The following CDYL variants were observed in gnomAD, a reference collection of about 807,000 sequenced individuals.
CDYL encodes the protein chromodomain Y like, also known as chromodomain Y-like protein.
In CDYL, 8 loss-of-function variants were observed where a neutral mutation model predicts 47.3. The ratio of observed to expected loss-of-function variants is 0.17; its 90% confidence interval spans 0.10 to 0.31. The LOEUF (loss-of-function observed/expected upper bound fraction) is 0.31. Among genes scored for constraint, CDYL ranks in the 10% least tolerant of loss-of-function variants. The pLI is 1.00. For synonymous variants in CDYL, 266 were observed against 265.0 expected (o/e 1.00, Z -0.04); for missense variants, 471 against 701.4 (o/e 0.67, Z 3.71).
chr6:4,719,474 C>G lies in CDYL; in HGVS notation c.103+3593C>G, dbSNP rs570964327. ...GTGGTACCTCTTTCCCAGCTCTACACCTATCTTGACCCCCATTCCTGCAAG... is the reference window on the plus strand; with the variant it reads ...GTGGTACCTCTTTCCCAGCTCTACAGCTATCTTGACCCCCATTCCTGCAAG... On this transcript the variant is annotated intron_variant, in intron 2 of 8. Transcript: ENST00000328908. 3.3e-5 allele frequency among the ~76,000 whole-genome samples: 5 copies of G among 152,292 alleles called. No homozygotes were observed. In the East Asian group the frequency reaches 9.6e-4, roughly 29 times the overall value.
At chr6:4,897,483 G>A (rs1762316903) in intron 2 of CDYL, among the ~76,000 whole-genome samples, 1 of 152,214 alleles carries the variant, frequency 6.6e-6, no homozygotes, top group Non-Finnish European at 1.5e-5. Context: ...ATGAGTAGAT[G>A]ATCCATCTCC....
At chr6:4,920,661 C>G (rs2326554) in intron 2 of CDYL, among the ~76,000 whole-genome samples, 140,609 of 152,272 alleles carry the variant, frequency 0.92, 65,438 homozygotes, top group East Asian at 1. Flanking sequence ...CTCTGTCGCC[C>G]AGGCTGGAGT....
In CDYL at chr6:4,900,790, T is replaced by C. The variant is rs1316232543; in HGVS notation, c.691+8411T>C. Among the ~76,000 whole-genome samples the C allele has an allele frequency of 1.1e-4, 6 of 52,674 alleles. 1 individual carries two copies. The highest frequency in any genetic ancestry group is 4.6e-4 in the African/African-American group (6 of 12,906). The allele number at this position is 52,674 out of a possible 152,430, so 34.6% of individuals were successfully genotyped here. On this transcript the variant is annotated intron_variant, in intron 2 of 6. Coordinates refer to ENST00000397588, the MANE Select transcript of CDYL (RefSeq NM_004824.4). ...TTCCGTATACGTGTGTATATATATA[T>C]ATATATATATATATATATATATATA... is the stretch of plus-strand genomic sequence containing the variant.
chr6:4,900,434 A>G (rs143084572), intron 2 of CDYL, among the ~76,000 whole-genome samples: 4 of 152,028 alleles, frequency 2.6e-5, no homozygotes, highest in African/African-American at 9.7e-5. Context: ...TCTCCCCCAT[A>G]TATGTTTATA....
intron 1 of CDYL, among the ~76,000 whole-genome samples, chr6:4,794,203 A>G (rs1469293011): frequency 6.6e-6 from 1 of 152,118 alleles, no homozygotes; most frequent in African/African-American, 2.4e-5. Flanking sequence ...CGGGGAGATA[A>G]GAGACACAGT....
intron 3 of CDYL, among the ~76,000 whole-genome samples, chr6:4,765,873 AT>A (rs1758244700): frequency 6.6e-6 from 1 of 152,070 alleles, no homozygotes; most frequent in South Asian, 2.1e-4. Context: ...GAACAAAGTC[AT>A]CTTAAGAAAT....
chr6:4,720,965 A>AT (rs1360821892), intron 2 of CDYL, among the ~76,000 whole-genome samples: 3 of 152,082 alleles, frequency 2.0e-5, no homozygotes, highest in South Asian at 2.1e-4. Flanking sequence ...ATAAATAAAG[A>AT]TTTTTTCTCA....
intron 2 of CDYL, among the ~76,000 whole-genome samples, chr6:4,915,555 T>A (rs1757534073): frequency 6.6e-6 from 1 of 152,100 alleles, no homozygotes; most frequent in Non-Finnish European, 1.5e-5. Flanking sequence ...CTGACTAGCA[T>A]TAACATTAAA....
chr6:4,709,309 C>T (rs1213494402), intron 1 of CDYL, among the ~76,000 whole-genome samples: 1 of 152,122 alleles, frequency 6.6e-6, no homozygotes, highest in Non-Finnish European at 1.5e-5. Flanking sequence ...AATTCTCCTG[C>T]CTCAGCCTGC....
intron 1 of CDYL, among the ~76,000 whole-genome samples, chr6:4,792,858 C>T (rs781143073): frequency 4.9e-4 from 75 of 152,288 alleles, no homozygotes; most frequent in Non-Finnish European, 8.5e-4. Flanking sequence ...TTTGTTTTTA[C>T]AGTGTAGCCT....
intron 2 of CDYL, among the ~76,000 whole-genome samples, chr6:4,716,468 T>C (rs1331765495): frequency 6.6e-6 from 1 of 152,134 alleles, no homozygotes; most frequent in African/African-American, 2.4e-5. Context: ...GTGTCTCCCA[T>C]TGCTCTTTAG....
intron 2 of CDYL, among the ~76,000 whole-genome samples, chr6:4,925,553 C>A (rs532053128): frequency 6.6e-6 from 1 of 151,790 alleles, no homozygotes; most frequent in East Asian, 1.9e-4. Context: ...GTAGCTGGGA[C>A]TACAGGCACC....
chr6:4,788,907 A>AG (rs1358722871), intron 1 of CDYL, among the ~76,000 whole-genome samples: 1 of 151,944 alleles, frequency 6.6e-6, no homozygotes, highest in Non-Finnish European at 1.5e-5. Context: ...CCATTGTGCC[A>AG]GGTGGACCAG....
chr6:4,792,323 T>C (rs1758947357), intron 1 of CDYL, among the ~76,000 whole-genome samples: 1 of 152,126 alleles, frequency 6.6e-6, no homozygotes, highest in African/African-American at 2.4e-5. Flanking sequence ...ACGTTGGAAA[T>C]ATCTTCTGAT....
intron 2 of CDYL, among the ~76,000 whole-genome samples, chr6:4,920,529 A>G (rs1757681787): frequency 6.6e-6 from 1 of 152,326 alleles, no homozygotes; most frequent in South Asian, 2.1e-4. Flanking sequence ...CGTTCCTGGA[A>G]CAGCAGTGCC....
At chr6:4,874,300 T>C (rs1468143652) in intron 1 of CDYL, among the ~76,000 whole-genome samples, 1 of 152,078 alleles carries the variant, frequency 6.6e-6, no homozygotes, top group Admixed American at 6.5e-5. Flanking sequence ...ATTTACAGCT[T>C]GTCAGTTTTA....
rs1757020400 is a variant in CDYL at position 4,900,813 on chromosome 6, A to ATATATT, written c.691+8439_691+8440insTTATAT. On this transcript the variant is annotated intron_variant, in intron 2 of 6. Coordinates refer to ENST00000397588, the MANE Select transcript of CDYL (RefSeq NM_004824.4). ...TATATATATATATATATATATATAT[A>ATATATT]TATATATATATATATATCTTGCCTG... 3.2e-5 allele frequency among the ~76,000 whole-genome samples: 3 copies of ATATATT among 92,408 alleles called. 1 individual carries two copies. Among genetic ancestry groups the ATATATT allele is most frequent in the Admixed American group, 2.1e-4 (2 of 9,544 alleles). The allele number at this position is 92,408 out of a possible 152,430, so 60.6% of individuals were successfully genotyped here.
At chr6:4,915,664 C>T (rs1340789448) in intron 2 of CDYL, among the ~76,000 whole-genome samples, 1 of 152,178 alleles carries the variant, frequency 6.6e-6, no homozygotes, top group African/African-American at 2.4e-5. Context: ...AATAGGTGCC[C>T]TGAAGGAAGC....
chr6:4,904,833 G>T (rs528800458), intron 2 of CDYL, among the ~76,000 whole-genome samples: 39 of 152,294 alleles, frequency 2.6e-4, no homozygotes, highest in African/African-American at 7.9e-4. Flanking sequence ...CTTAGGACCC[G>T]TGTTAGCCAC....
Sources: gnomAD v4.1 joint callset for allele counts (sites outside exome capture counted in the v4.1 genomes callset) on GRCh38, gnomAD v4.1.1 for gene constraint, MANE v1.5 for transcripts, NCBI Gene and HGNC (gene_info 2026-07-23, HGNC 2026-07-21) for gene names.